TRPM3: variants seen among roughly 807,000 people sequenced by gnomAD.
The protein encoded by TRPM3 is long transient receptor potential channel 3.
In TRPM3, 77 loss-of-function variants were observed where a neutral mutation model predicts 181.2. The observed-to-expected ratio is 0.42, with a 90% CI of 0.35 to 0.51. TRPM3 has a LOEUF of 0.51. Ranked by LOEUF, TRPM3 falls within the 20% of genes least tolerant of loss-of-function variation. TRPM3 has a pLI of 0.01. For synonymous variants in TRPM3, 745 were observed against 796.4 expected, an observed-to-expected ratio of 0.94 and a Z score of 1.09; for missense variants, 1,759 against 2,196.7, an observed-to-expected ratio of 0.80 and a Z score of 3.98.
chr9:71,127,810 T>C (rs1192787648), intron 1 of TRPM3, among the ~76,000 whole-genome samples: 3 of 152,200 alleles, frequency 2.0e-5, no homozygotes, highest in Non-Finnish European at 2.9e-5. Flanking sequence ...ACCATTTACA[T>C]GTCACTTTGG....
intron 1 of TRPM3, among the ~76,000 whole-genome samples, chr9:70,905,918 TG>T (rs2096458624): frequency 6.6e-6 from 1 of 152,072 alleles, no homozygotes; most frequent in Non-Finnish European, 1.5e-5. Flanking sequence ...TTACTTTTTT[TG>T]TAGTGACAGG....
At chr9:71,085,085 G>A (rs929256513) in intron 1 of TRPM3, among the ~76,000 whole-genome samples, 1 of 152,006 alleles carries the variant, frequency 6.6e-6, no homozygotes, top group Non-Finnish European at 1.5e-5. Context: ...ATACGCAGTA[G>A]AATGAAACTG....
intron 1 of TRPM3, among the ~76,000 whole-genome samples, chr9:71,393,051 C>T (rs1415701973): frequency 6.6e-6 from 1 of 152,086 alleles, no homozygotes; most frequent in African/African-American, 2.4e-5. Context: ...CTAGGAAGGA[C>T]TGGATACCGT....
At chr9:70,621,140 A>G (rs1039228824) in intron 15 of TRPM3, 104 bp downstream of exon 15, 5 of 354,650 alleles carry the variant, frequency 1.4e-5, no homozygotes, top group Non-Finnish European at 2.2e-5. Flanking sequence ...TTATGTGTAT[A>G]TACACTATAT....
intron 8 of TRPM3, among the ~76,000 whole-genome samples, chr9:70,755,838 A>G (rs2076988540): frequency 6.6e-6 from 1 of 152,218 alleles, no homozygotes; most frequent in African/African-American, 2.4e-5. Flanking sequence ...AAATATGGAA[A>G]GGAAAAACCA....
chr9:70,947,328 A>C (rs2096944459), intron 1 of TRPM3, among the ~76,000 whole-genome samples: 1 of 152,198 alleles, frequency 6.6e-6, no homozygotes, highest in Non-Finnish European at 1.5e-5. Context: ...TCTGTGAAGT[A>C]ACATGATTAA....
chr9:71,233,602 A>G (rs2081196196), intron 1 of TRPM3, among the ~76,000 whole-genome samples: 1 of 152,200 alleles, frequency 6.6e-6, no homozygotes, highest in African/African-American at 2.4e-5. Flanking sequence ...AAATAACCAC[A>G]CGAATCCTAG....
intron 1 of TRPM3, among the ~76,000 whole-genome samples, chr9:71,242,473 A>G (rs1369030149): frequency 6.6e-6 from 1 of 152,246 alleles, no homozygotes; most frequent in Non-Finnish European, 1.5e-5. Flanking sequence ...TGCCAATGGA[A>G]GAATTTAGAT....
At chr9:70,794,120 T>G (rs542729102) in intron 6 of TRPM3, among the ~76,000 whole-genome samples, 3 of 152,074 alleles carry the variant, frequency 2.0e-5, no homozygotes, top group Non-Finnish European at 4.4e-5. Flanking sequence ...GACTTTAAGA[T>G]GAACTATTCA....
chr9:71,013,681 C>T (rs902510497), intron 1 of TRPM3, among the ~76,000 whole-genome samples: 1 of 151,928 alleles, frequency 6.6e-6, no homozygotes, highest in African/African-American at 2.4e-5. Context: ...TTACCCATTT[C>T]AGTTAGATTT....
At chr9:71,409,346 G>A (rs2093498141) in intron 1 of TRPM3, among the ~76,000 whole-genome samples, 1 of 152,094 alleles carries the variant, frequency 6.6e-6, no homozygotes, top group African/African-American at 2.4e-5. Context: ...CCATCAGTGT[G>A]CTGTATTCAG....
At chr9:70,601,982 A>G (rs1316011194) in intron 20 of TRPM3, among the ~76,000 whole-genome samples, 1 of 152,156 alleles carries the variant, frequency 6.6e-6, no homozygotes, top group African/African-American at 2.4e-5. Flanking sequence ...ACAAAGACCA[A>G]AGCAAATTTA....
At chr9:70,614,059 T>TG (rs2062382251) in intron 18 of TRPM3, among the ~76,000 whole-genome samples, 1 of 152,158 alleles carries the variant, frequency 6.6e-6, no homozygotes, top group Admixed American at 6.5e-5. Context: ...TAGAGAGACA[T>TG]TCTCTCTCAC....
At chr9:71,108,614 C>T (rs1466037184) in intron 1 of TRPM3, among the ~76,000 whole-genome samples, 1 of 152,076 alleles carries the variant, frequency 6.6e-6, no homozygotes, top group Non-Finnish European at 1.5e-5. Context: ...AGGCACTATA[C>T]CAAGTGTTAG....
chr9:70,797,046 C>A (rs1027767952), intron 6 of TRPM3, among the ~76,000 whole-genome samples: 5 of 152,262 alleles, frequency 3.3e-5, no homozygotes, highest in African/African-American at 7.2e-5. Context: ...GGGAGGATTG[C>A]TTGAGCCCAG....
intron 1 of TRPM3, among the ~76,000 whole-genome samples, chr9:70,926,830 G>A (rs2096725968): frequency 1.3e-5 from 2 of 152,120 alleles, no homozygotes; most frequent in Admixed American, 6.6e-5. Context: ...ATTTTCAAAG[G>A]TGTCAGCAAC....
intron 1 of TRPM3, among the ~76,000 whole-genome samples, chr9:71,020,037 G>A (rs191681059): frequency 6.4e-4 from 97 of 152,108 alleles, no homozygotes; most frequent in Admixed American, 3.6e-3. Flanking sequence ...ATTTATTTCA[G>A]TTGGTCTTTG....
At chr9:70,560,168 C>T (rs1324700087) in intron 22 of TRPM3, among the ~76,000 whole-genome samples, 1 of 152,190 alleles carries the variant, frequency 6.6e-6, no homozygotes, top group African/African-American at 2.4e-5. Context: ...CCTTGTTTTA[C>T]AGCTGAGGAA....
At chr9:71,024,789 G>T (rs1192126067) in intron 1 of TRPM3, among the ~76,000 whole-genome samples, 3 of 152,168 alleles carry the variant, frequency 2.0e-5, no homozygotes, top group African/African-American at 7.2e-5. Context: ...TAGCATAACG[G>T]TAAGTTTCCT....
Sources: gnomAD v4.1 joint callset for allele counts (sites outside exome capture counted in the v4.1 genomes callset) on GRCh38, gnomAD v4.1.1 for gene constraint, MANE v1.5 for transcripts, NCBI Gene and HGNC (gene_info 2026-07-23, HGNC 2026-07-21) for gene names.